The following CACNA2D3 variants were observed in gnomAD, a reference collection of about 807,000 sequenced individuals.
CACNA2D3 encodes voltage-dependent calcium channel subunit alpha-2/delta-3.
CACNA2D3 carries 60 observed loss-of-function variants against 160.6 expected under a neutral mutation model. The observed-to-expected ratio is 0.37, with a 90% CI of 0.30 to 0.46. The LOEUF is 0.46. CACNA2D3 is among the 20% of genes least tolerant of loss of function. The pLI, the probability that CACNA2D3 is intolerant of heterozygous loss-of-function variation, is 1.00. For synonymous variants in CACNA2D3, 558 were observed against 492.9 expected (o/e 1.13, Z -1.75); for missense variants, 1,205 against 1,365.0 (o/e 0.88, Z 1.85).
chr3:54,294,450 G>T (rs758818391), intron 2 of CACNA2D3, among the ~76,000 whole-genome samples: 21 of 95,800 alleles, frequency 2.2e-4, no homozygotes, highest in South Asian at 9.1e-4. Flanking sequence ...CCTCTCCTTT[G>T]AGTGGTTGCT....
intron 2 of CACNA2D3, among the ~76,000 whole-genome samples, chr3:54,305,578 C>T (rs544793571): frequency 1.6e-4 from 25 of 152,254 alleles, no homozygotes; most frequent in Non-Finnish European, 3.1e-4. Flanking sequence ...CACAGGATGA[C>T]TTAGTGACAT....
chr3:54,773,660 G>C (rs1044705834), intron 13 of CACNA2D3, among the ~76,000 whole-genome samples: 2 of 152,134 alleles, frequency 1.3e-5, no homozygotes, highest in African/African-American at 4.8e-5. Flanking sequence ...TATTTCCATT[G>C]AAACAGATTA....
chr3:54,496,050 A>C (rs543599521), intron 4 of CACNA2D3, among the ~76,000 whole-genome samples: 1 of 152,278 alleles, frequency 6.6e-6, no homozygotes, highest in African/African-American at 2.4e-5. Context: ...TAATCCTTTA[A>C]CTGTTAATGG....
At chr3:54,344,957 T>C (rs1042619770) in intron 3 of CACNA2D3, among the ~76,000 whole-genome samples, 9 of 152,224 alleles carry the variant, frequency 5.9e-5, no homozygotes, top group African/African-American at 1.7e-4. Context: ...GAGTGACCTC[T>C]GGTCGTCCTC....
Position 54,506,424 on chromosome 3 carries a change from A to C in CACNA2D3, c.544+2770A>C, listed in dbSNP as rs551647877. On this transcript the variant is annotated intron_variant, in intron 5 of 37. Transcript: ENST00000474759. ...ACTTGCCTAGGAGCTTCTGTGATCT[A>C]TGTTCTGGGGTATAATTTTTAGTTC... 1.8e-4 allele frequency among the ~76,000 whole-genome samples: 27 copies of C among 152,180 alleles called. No homozygotes were observed. The Middle Eastern group carries it at 0.01, about 58-fold the overall frequency.
At chr3:54,971,391 A>G (rs1001908738) in intron 29 of CACNA2D3, among the ~76,000 whole-genome samples, 1 of 152,170 alleles carries the variant, frequency 6.6e-6, no homozygotes, top group African/African-American at 2.4e-5. Context: ...GCCCTGTGTT[A>G]AGCTCTTCAC....
At chr3:54,289,307 A>G (rs1015732989) in intron 2 of CACNA2D3, among the ~76,000 whole-genome samples, 21 of 152,060 alleles carry the variant, frequency 1.4e-4, no homozygotes, top group Admixed American at 6.6e-4. Context: ...CCCATTCACA[A>G]TTGCTTCAAA....
chr3:54,299,837 G>A lies in CACNA2D3; in HGVS notation c.205-20605G>A, dbSNP rs138372170. Among the ~76,000 whole-genome samples the A allele has an allele frequency of 4.1e-3, 632 of 152,298 alleles. 2 individuals are homozygous for A. Among genetic ancestry groups the A allele is most frequent in the Non-Finnish European group, 5.8e-3 (393 of 68,022 alleles). ...GGGTTAGGAGACACAAGATTTATTTGGAAGATAAATATTTGGTAATTGAAA... is the reference window on the plus strand; with the variant it reads ...GGGTTAGGAGACACAAGATTTATTTAGAAGATAAATATTTGGTAATTGAAA... On this transcript the variant is annotated intron_variant, in intron 2 of 37. Transcript: ENST00000474759.
At chr3:54,249,697 A>ACACACC (rs1491291745) in intron 2 of CACNA2D3, among the ~76,000 whole-genome samples, 5 of 144,558 alleles carry the variant, frequency 3.5e-5, no homozygotes, top group African/African-American at 5.2e-5. Flanking sequence ...ACACACACAC[A>ACACACC]CCCCTCATCC....
intron 17 of CACNA2D3, among the ~76,000 whole-genome samples, chr3:54,866,918 G>A (rs1361778776): frequency 6.6e-6 from 1 of 152,166 alleles, no homozygotes; most frequent in Non-Finnish European, 1.5e-5. Flanking sequence ...CCACCTCGAA[G>A]TATTTCATAG....
At chr3:54,428,708 C>A (rs1490049956) in intron 4 of CACNA2D3, among the ~76,000 whole-genome samples, 1 of 151,934 alleles carries the variant, frequency 6.6e-6, no homozygotes, top group Non-Finnish European at 1.5e-5. Flanking sequence ...AAGAGGGTAA[C>A]AAAAATCTGC....
chr3:54,185,007 G>T (rs1317608846), intron 2 of CACNA2D3, among the ~76,000 whole-genome samples: 1 of 152,182 alleles, frequency 6.6e-6, no homozygotes, highest in East Asian at 1.9e-4. Flanking sequence ...TGAGCCAAAG[G>T]TCCTGTGCCT....
At chr3:54,912,625 G>A (rs1032198416) in intron 27 of CACNA2D3, among the ~76,000 whole-genome samples, 1 of 151,814 alleles carries the variant, frequency 6.6e-6, no homozygotes, top group African/African-American at 2.4e-5. Flanking sequence ...TTCTCAGCAG[G>A]GACCTTCCTT....
At chr3:54,775,107 G>T (rs889704892) in intron 13 of CACNA2D3, among the ~76,000 whole-genome samples, 1 of 152,184 alleles carries the variant, frequency 6.6e-6, no homozygotes, top group Non-Finnish European at 1.5e-5. Context: ...AGATAGGCCT[G>T]TTTGAGTCAC....
chr3:54,408,947 A>G (rs1462806824), intron 4 of CACNA2D3, among the ~76,000 whole-genome samples: 1 of 152,228 alleles, frequency 6.6e-6, no homozygotes, highest in African/African-American at 2.4e-5. Context: ...GCAAATGGCT[A>G]TAATATAACA....
intron 4 of CACNA2D3, among the ~76,000 whole-genome samples, chr3:54,446,796 A>G (rs1700228739): frequency 6.6e-6 from 1 of 152,188 alleles, no homozygotes; most frequent in Admixed American, 6.5e-5. Context: ...CTGCCCCAGC[A>G]TGCCCTTCCC....
At chr3:54,909,512 C>A (rs559710607) in intron 27 of CACNA2D3, among the ~76,000 whole-genome samples, 1 of 152,070 alleles carries the variant, frequency 6.6e-6, no homozygotes, top group Non-Finnish European at 1.5e-5. Context: ...AAAAAAGGGA[C>A]GGGCATGAGC....
At chr3:54,845,801 G>A (rs530823765) in intron 16 of CACNA2D3, among the ~76,000 whole-genome samples, 8 of 152,238 alleles carry the variant, frequency 5.3e-5, no homozygotes, top group African/African-American at 1.9e-4. Flanking sequence ...AGCATGCATG[G>A]AAAAGCTAGG....
chr3:54,568,963 G>A (rs965666404), intron 6 of CACNA2D3, among the ~76,000 whole-genome samples: 8 of 152,288 alleles, frequency 5.3e-5, no homozygotes, highest in South Asian at 4.2e-4. Context: ...TCTCTCCTGC[G>A]AAAACGATAT....
Sources: allele counts gnomAD v4.1 joint callset (sites outside exome capture counted in the v4.1 genomes callset), GRCh38; gene constraint gnomAD v4.1.1; transcripts MANE v1.5; gene names NCBI Gene and HGNC (gene_info 2026-07-23, HGNC 2026-07-21).